Variants in ZNF462 observed in about 807,000 individuals in gnomAD.
ZNF462 encodes the protein zinc finger protein 462.
Under a neutral mutation model 201.9 loss-of-function variants are expected in ZNF462, and 10 were observed. The ratio of observed to expected loss-of-function variants is 0.05; its 90% confidence interval spans 0.03 to 0.08. The LOEUF (loss-of-function observed/expected upper bound fraction) is 0.08. Ranked by LOEUF, ZNF462 falls within the 10% of genes least tolerant of loss-of-function variation. The pLI is 1.00. For missense variants in ZNF462, 2,523 were observed against 3,168.3 expected (o/e 0.80, Z 4.89); for synonymous variants, 1,227 against 1,193.3 (o/e 1.03, Z -0.58).
chr9:106,956,475 G>A (rs1195627671), intron 7 of ZNF462, among the ~76,000 whole-genome samples: 3 of 152,092 alleles, frequency 2.0e-5, no homozygotes, highest in African/African-American at 7.2e-5. Context: ...TAATTTTAAA[G>A]GATTTTTTGA....
At chr9:106,939,541 C>G (rs1830778756) in intron 7 of ZNF462, among the ~76,000 whole-genome samples, 4 of 152,218 alleles carry the variant, frequency 2.6e-5, no homozygotes, top group African/African-American at 9.6e-5. Context: ...AGTAGGAGTG[C>G]AAAGGGTGAA....
chr9:106,860,698 A>G (rs1438129960), upstream of ZNF462, among the ~76,000 whole-genome samples: 3 of 152,214 alleles, frequency 2.0e-5, no homozygotes, highest in Admixed American at 6.5e-5. The surrounding 1 kb of genome is among the most constrained non-coding windows in gnomAD (Gnocchi z 7.1). Context: ...GAGGTAAATT[A>G]TCAGCCGGGA....
rs183341763 is a variant in ZNF462, at chr9:106,991,888, C to A, written c.7056+7479C>A. ...CACACACACACACACACACAACAAT[C>A]AAAATGGACCGTAAGCTTAAATGTG... On this transcript the variant is annotated intron_variant, in intron 10 of 12. Transcript: ENST00000277225. 6.9e-4 allele frequency among the ~76,000 whole-genome samples: 99 copies of A among 142,492 alleles called. 1 individual carries two copies. The South Asian group carries it at 0.021, about 30-fold the overall frequency. The allele number at this position is 142,492 out of a possible 152,430, so 93.5% of individuals were successfully genotyped here. A position where few individuals can be genotyped will look rare whatever the true frequency, so the allele number is the denominator to read the frequency against.
In ZNF462 at chr9:106,972,200, G is replaced by A. The variant is rs1192833694; in HGVS notation, c.6623G>A (p.Arg2208His). 3.1e-6 allele frequency: 5 copies of A among 1,614,108 alleles called. No individual in the cohort carries two copies. The highest frequency in any genetic ancestry group is 4.2e-6 in the Non-Finnish European group (5 of 1,180,060). Residue 2208 changes from arginine (R) to histidine (H), a missense_variant, in exon 8 of 13, where the codon CGT becomes CAT. Around this residue, in one of 15 missense-constraint regions of ZNF462, gnomAD observed 228 missense variants for 361.2 expected, o/e 0.63. Coordinates refer to ENST00000277225, the MANE Select transcript of ZNF462 (RefSeq NM_021224.6). The surrounding 1 kb of genome is among the most constrained non-coding windows in gnomAD (Gnocchi z 4.8). ...TCCGGCTACATCCAGAGCATCAGGC[G>A]TCATTACCGGGACAAGCATGGTGGG... is the stretch of plus-strand genomic sequence containing the variant. Reference protein sequence around the residue: ...FSSGYIQSIRRHYRDKHGGKK... With the variant: ...FSSGYIQSIRHHYRDKHGGKK...
chr9:106,917,446 A>G lies in ZNF462; in HGVS notation c.-30-5908A>G, dbSNP rs907491693. 6.6e-6 allele frequency among the ~76,000 whole-genome samples: 1 copy of G among 152,238 alleles called. No homozygotes were observed. Among genetic ancestry groups the G allele is most frequent in the East Asian group, 1.9e-4 (1 of 5,202 alleles). Reference sequence around the variant, plus strand: ...CAAGGTCCCACAGATGGACCAGGCCAACTGTATACAACAGAGGCCACATGC... The same window carrying G: ...CAAGGTCCCACAGATGGACCAGGCCGACTGTATACAACAGAGGCCACATGC... On this transcript the variant is annotated intron_variant, in intron 1 of 12. Transcript: ENST00000277225. This position sits in a 1 kb window ranked among gnomAD's most constrained non-coding sequence, Gnocchi z 4.5.
rs867414503 is a variant in ZNF462, at chr9:106,886,588, C to T, written c.-31+23233C>T. Among the ~76,000 whole-genome samples the T allele has an allele frequency of 6.6e-6, 1 of 152,094 alleles. No homozygotes were observed. The highest frequency in any genetic ancestry group is 1.5e-5 in the Non-Finnish European group (1 of 68,006). ...TGAAAAGGAAGGAGCTCCTGTCATC[C>T]GCAGTCAATGTGAAGAAACTGGTTA... On this transcript the variant is annotated intron_variant, in intron 1 of 12. Transcript: ENST00000277225. This position sits in a 1 kb window ranked among gnomAD's most constrained non-coding sequence, Gnocchi z 4.6.
At chr9:107,002,098 C>A (rs1226058332) in intron 10 of ZNF462, among the ~76,000 whole-genome samples, 3 of 152,108 alleles carry the variant, frequency 2.0e-5, no homozygotes, top group African/African-American at 7.2e-5. Context: ...AATCTTTGTT[C>A]CAGTCTGGTC....
intron 7 of ZNF462, among the ~76,000 whole-genome samples, chr9:106,956,515 T>A (rs545866796): frequency 1.3e-5 from 2 of 152,268 alleles, no homozygotes; most frequent in South Asian, 2.1e-4. Context: ...CAACATAAAG[T>A]CACCAGCTGC....
At chr9:106,915,331 C>G (rs987978980) in intron 1 of ZNF462, among the ~76,000 whole-genome samples, 2 of 151,814 alleles carry the variant, frequency 1.3e-5, no homozygotes, top group Non-Finnish European at 2.9e-5. Context: ...CTTAACTGAG[C>G]ACTGTAGTGT....
intron 8 of ZNF462, among the ~76,000 whole-genome samples, chr9:106,973,931 G>A (rs1826786083): frequency 6.6e-6 from 1 of 151,996 alleles, no homozygotes; most frequent in Non-Finnish European, 1.5e-5. Flanking sequence ...TTTCCAGAAA[G>A]AAGTTACTAC....
intron 10 of ZNF462, among the ~76,000 whole-genome samples, chr9:106,988,816 G>T (rs749868957): frequency 6.6e-6 from 1 of 151,968 alleles, no homozygotes; most frequent in Admixed American, 6.6e-5. Flanking sequence ...AAGGGGTTGG[G>T]TTCTTGATTT....
At position 106,928,128 on chromosome 9, in the gene ZNF462, A is replaced by G. The variant is rs763501029; in HGVS notation, c.4216A>G (p.Ile1406Val). Residue 1406 changes from isoleucine (I) to valine (V), a missense_variant, in exon 3 of 13, where the codon ATC becomes GTC. Transcript: ENST00000277225. The surrounding 1 kb of genome is among the most constrained non-coding windows in gnomAD (Gnocchi z 9.3). ...MNGDESVLLD[I>V]IKEKDAVEKP... Reference sequence around the variant, plus strand: ...TGGTGATGAGTCAGTGCTACTGGACATCATCAAGGAGAAAGATGCTGTGGA... The same window carrying G: ...TGGTGATGAGTCAGTGCTACTGGACGTCATCAAGGAGAAAGATGCTGTGGA... The G allele has an allele frequency of 3.1e-6, 5 of 1,614,204 alleles. No homozygotes were observed. Among genetic ancestry groups the G allele is most frequent in the Non-Finnish European group, 4.2e-6 (5 of 1,180,034 alleles).
Position 106,981,121 on chromosome 9 carries a change from T to G in ZNF462, c.6833-3065T>G, listed in dbSNP as rs1233865701. Reference sequence around the variant, plus strand: ...TAACTTTTTTTCTAAAATTAATATCTCAGTAAAAACTCACATAATTAAGAG... The same window carrying G: ...TAACTTTTTTTCTAAAATTAATATCGCAGTAAAAACTCACATAATTAAGAG... On this transcript the variant is annotated intron_variant, in intron 9 of 12. Transcript: ENST00000277225. This position sits in a 1 kb window ranked among gnomAD's most constrained non-coding sequence, Gnocchi z 4.0. 6.6e-6 allele frequency among the ~76,000 whole-genome samples: 1 copy of G among 152,174 alleles called. No individual in the cohort carries two copies. Among genetic ancestry groups the G allele is most frequent in the Admixed American group, 6.5e-5 (1 of 15,284 alleles).
At chr9:106,936,896 C>T (rs1830654736) in intron 6 of ZNF462, among the ~76,000 whole-genome samples, 1 of 152,138 alleles carries the variant, frequency 6.6e-6, no homozygotes, top group Non-Finnish European at 1.5e-5. Context: ...AACTGGCCTC[C>T]CTGTACTCAC....
chr9:106,910,134 A>G (rs540644564), intron 1 of ZNF462, among the ~76,000 whole-genome samples: 2 of 151,960 alleles, frequency 1.3e-5, no homozygotes, highest in South Asian at 2.1e-4. Flanking sequence ...TAATATATTT[A>G]TTACTTCTGC....
At position 107,003,041 on chromosome 9, in the gene ZNF462, T is replaced by C. The variant is rs1459710396; in HGVS notation, c.7057-253T>C. Among the ~76,000 whole-genome samples the C allele has an allele frequency of 1.3e-5, 2 of 152,234 alleles. No homozygotes were observed. Among genetic ancestry groups the C allele is most frequent in the Admixed American group, 1.3e-4 (2 of 15,288 alleles). ...GTCTCCTGCGTACTATAGCTCATGT[T>C]TCTTCACAAGTTTGGTAATGAAGGT... On this transcript the variant is annotated intron_variant, in intron 10 of 12. Coordinates refer to ENST00000277225, the MANE Select transcript of ZNF462 (RefSeq NM_021224.6). The surrounding 1 kb of genome is among the most constrained non-coding windows in gnomAD (Gnocchi z 4.4).
intron 7 of ZNF462, among the ~76,000 whole-genome samples, chr9:106,944,135 C>T (rs925948533): frequency 1.3e-5 from 2 of 152,128 alleles, no homozygotes; most frequent in African/African-American, 2.4e-5. Context: ...CTAGTATGGT[C>T]AGCTGTTAGC....
chr9:106,935,896 G>A lies in ZNF462; in HGVS notation c.6235+275G>A, dbSNP rs566622172. Among the ~76,000 whole-genome samples, 53 of 152,270 alleles carry A rather than the reference G, an allele frequency of 3.5e-4. No homozygotes were observed. The highest frequency in any genetic ancestry group is 1.2e-3 in the African/African-American group (50 of 41,538). ...ACTGACAAGTTAGAATTAGACTGTT[G>A]GTGATTTTTACAGAAATTTCTAAAC... On this transcript the variant is annotated intron_variant, in intron 6 of 12. Transcript: ENST00000277225. This position sits in a 1 kb window ranked among gnomAD's most constrained non-coding sequence, Gnocchi z 4.1.
At chr9:106,887,530 A>G (rs1828374954) in intron 1 of ZNF462, among the ~76,000 whole-genome samples, 1 of 152,176 alleles carries the variant, frequency 6.6e-6, no homozygotes, top group African/African-American at 2.4e-5. Flanking sequence ...CTTTGAGGTT[A>G]TTTTTTTAAT....
Sources: gnomAD v4.1 joint callset for allele counts (sites outside exome capture counted in the v4.1 genomes callset) on GRCh38, gnomAD v4.1.1 for gene constraint, gnomAD v4.1.1 regional missense constraint, Gnocchi (gnomAD v3.1) non-coding constraint, MANE v1.5 for transcripts, NCBI Gene and HGNC (gene_info 2026-07-23, HGNC 2026-07-21) for gene names.